Variants in SFMBT2 observed in about 807,000 individuals in gnomAD.
SFMBT2 encodes scm-like with four MBT domains protein 2.
SFMBT2 carries 38 observed loss-of-function variants against 110.1 expected under a neutral mutation model. The observed-to-expected ratio is 0.35, with a 90% CI of 0.27 to 0.45. The LOEUF (loss-of-function observed/expected upper bound fraction) is 0.45. Among genes scored for constraint, SFMBT2 ranks in the 20% least tolerant of loss-of-function variants. SFMBT2 has a pLI of 1.00. For missense variants in SFMBT2, 1,011 were observed against 1,094.9 expected (o/e 0.92, Z 1.08); for synonymous variants, 425 against 425.4 (o/e 1.00, Z 0.01).
At chr10:7,341,050 T>C (rs2131983671) in intron 4 of SFMBT2, among the ~76,000 whole-genome samples, 1 of 152,140 alleles carries the variant, frequency 6.6e-6, no homozygotes, top group Admixed American at 6.5e-5. Flanking sequence ...CAGCGTGAAA[T>C]GTGAAGCAGC....
intron 16 of SFMBT2, among the ~76,000 whole-genome samples, chr10:7,188,003 C>T (rs1319301989): frequency 6.6e-6 from 1 of 152,178 alleles, no homozygotes; most frequent in Non-Finnish European, 1.5e-5. Context: ...TGTGCCTAAA[C>T]AACCAAGTTC....
At chr10:7,168,095 T>C (rs755523323) in intron 20 of SFMBT2, among the ~76,000 whole-genome samples, 1 of 151,902 alleles carries the variant, frequency 6.6e-6, no homozygotes, top group Non-Finnish European at 1.5e-5. Context: ...AACTTGATTC[T>C]ACAAGGGGGA....
intron 9 of SFMBT2, among the ~76,000 whole-genome samples, chr10:7,235,577 CCACA>C (rs959241193): frequency 3.3e-5 from 5 of 151,402 alleles, no homozygotes; most frequent in African/African-American, 7.3e-5. Context: ...CAGACACATA[CCACA>C]CAGACGTACC....
At position 7,162,135 on chromosome 10, in the gene SFMBT2, C is replaced by T. The variant is rs1002216749; in HGVS notation, c.*1635G>A. ...CTGGTCCAAGAGGCCAGCCAACTCT[C>T]GCAGCCACAGCTTTGTCTGCACGTG... On this transcript the variant is annotated 3_prime_UTR_variant, in exon 21 of 21. Transcript: ENST00000397167. 5.3e-5 allele frequency: 8 copies of T among 152,082 alleles called. No homozygotes were observed. Among genetic ancestry groups the T allele is most frequent in the East Asian group, 1.9e-4 (1 of 5,200 alleles). 9.4% of individuals were successfully genotyped at this position (152,082 alleles called of 1,614,324 possible).
intron 4 of SFMBT2, among the ~76,000 whole-genome samples, chr10:7,360,024 C>G (rs577769659): frequency 6.6e-6 from 1 of 152,338 alleles, no homozygotes; most frequent in African/African-American, 2.4e-5. Flanking sequence ...ATACCAGCCA[C>G]TTCAAAAGGA....
At chr10:7,233,977 A>G (rs1840183112) in intron 9 of SFMBT2, among the ~76,000 whole-genome samples, 1 of 152,252 alleles carries the variant, frequency 6.6e-6, no homozygotes, top group Admixed American at 6.5e-5. Flanking sequence ...GTTTGTGTAC[A>G]TTGCAGGCTT....
intron 11 of SFMBT2, among the ~76,000 whole-genome samples, chr10:7,208,129 C>G (rs1383412765): frequency 6.6e-6 from 1 of 152,104 alleles, no homozygotes; most frequent in East Asian, 1.9e-4. Flanking sequence ...ATGTTCAAAA[C>G]AGACAAAACG....
At chr10:7,361,549 T>C (rs1844719062) in intron 4 of SFMBT2, among the ~76,000 whole-genome samples, 2 of 152,214 alleles carry the variant, frequency 1.3e-5, no homozygotes, top group South Asian at 4.1e-4. Context: ...ATCTTCACAC[T>C]TTCTCCTCAC....
intron 1 of SFMBT2, among the ~76,000 whole-genome samples, chr10:7,386,024 TC>T (rs1454710353): frequency 6.6e-6 from 1 of 151,842 alleles, no homozygotes; most frequent in East Asian, 1.9e-4. Flanking sequence ...AAAGCCCCTC[TC>T]CTTACAAGCT....
At chr10:7,334,490 G>A (rs890686100) in intron 4 of SFMBT2, among the ~76,000 whole-genome samples, 3 of 152,138 alleles carry the variant, frequency 2.0e-5, no homozygotes, top group South Asian at 2.1e-4. Context: ...GTCATTAAAC[G>A]GGGACTAGAA....
intron 11 of SFMBT2, among the ~76,000 whole-genome samples, chr10:7,218,258 C>T (rs1052076324): frequency 6.6e-6 from 1 of 152,080 alleles, no homozygotes; most frequent in Non-Finnish European, 1.5e-5. Flanking sequence ...TTATTCCCAA[C>T]ATGGAGGAAA....
chr10:7,238,144 C>G (rs75643950), intron 9 of SFMBT2, among the ~76,000 whole-genome samples: 6 of 152,208 alleles, frequency 3.9e-5, no homozygotes, highest in African/African-American at 1.4e-4. Flanking sequence ...TGTTCTAACA[C>G]GATCGATCTG....
chr10:7,168,330 C>T (rs143996133), intron 20 of SFMBT2, among the ~76,000 whole-genome samples: 1,598 of 152,286 alleles, frequency 0.01, 18 homozygotes, highest in Non-Finnish European at 0.016. Flanking sequence ...AGCCCTCATA[C>T]CTAACCTGGG....
intron 2 of SFMBT2, among the ~76,000 whole-genome samples, chr10:7,377,159 A>C (rs1845252580): frequency 1.0e-5 from 1 of 99,494 alleles, no homozygotes; most frequent in Non-Finnish European, 1.9e-5. Context: ...ACAGAGCGAG[A>C]CTCCATCTCA....
At chr10:7,333,419 G>T (rs1843620167) in intron 4 of SFMBT2, among the ~76,000 whole-genome samples, 1 of 147,498 alleles carries the variant, frequency 6.8e-6, no homozygotes, top group Non-Finnish European at 1.5e-5. Flanking sequence ...AAGGGACAGG[G>T]TTTCACTTTG....
chr10:7,227,802 C>G (rs913798424), intron 10 of SFMBT2, 53 bp downstream of exon 10: 4 of 1,505,120 alleles, frequency 2.7e-6, no homozygotes, highest in Non-Finnish European at 3.7e-6. Flanking sequence ...ATAAAACTTA[C>G]GGTAGACAAA....
At chr10:7,228,526 G>A in intron 9 of SFMBT2, 1 of 195,376 alleles carries the variant, frequency 5.1e-6, no homozygotes, top group East Asian at 1.8e-4. Context: ...GAACTGACCT[G>A]CTGAGGCTGA....
rs537416139 is a variant in SFMBT2 at position 7,394,833 on chromosome 10, G to GTTAT, written c.-51-12885_-51-12884insATAA. On this transcript the variant is annotated intron_variant, in intron 1 of 20. Transcript: ENST00000397167. ...CTGCTTCTCTGCCTGGGACACCAAT[G>GTTAT]TTAGCCTGCAGTCTCACCTCCCCTC... Among the ~76,000 whole-genome samples the GTTAT allele has an allele frequency of 3.6e-3, 551 of 152,182 alleles. 3 individuals carry two copies. The highest frequency in any genetic ancestry group is 9.6e-3 in the South Asian group (46 of 4,816).
chr10:7,180,081 C>A (rs956495456), intron 16 of SFMBT2, among the ~76,000 whole-genome samples: 2 of 151,754 alleles, frequency 1.3e-5, no homozygotes, highest in Admixed American at 6.6e-5. Context: ...GCCCCACCTG[C>A]TGGGAGAAAG....
Sources: allele counts gnomAD v4.1 joint callset (sites outside exome capture counted in the v4.1 genomes callset), GRCh38; gene constraint gnomAD v4.1.1; transcripts MANE v1.5; gene names NCBI Gene and HGNC (gene_info 2026-07-23, HGNC 2026-07-21).